The following PCDHA10 variants were observed in gnomAD, a reference collection of about 807,000 sequenced individuals.
The protein encoded by PCDHA10 is protocadherin alpha 10, also known as protocadherin alpha-10.
PCDHA10 carries 45 observed loss-of-function variants against 61.2 expected under a neutral mutation model. The ratio of observed to expected loss-of-function variants is 0.74; its 90% CI spans 0.58 to 0.94. PCDHA10 has a LOEUF of 0.94. PCDHA10 is among the 40% of genes least tolerant of loss of function. The pLI, the probability that PCDHA10 is intolerant of heterozygous loss-of-function variation, is 0.00. For missense variants in PCDHA10, 1,278 were observed against 1,236.2 expected (o/e 1.03, Z -0.51); for synonymous variants, 602 against 548.8 (o/e 1.10, Z -1.35).
chr5:140,927,037 G>T lies in PCDHA10; in HGVS notation c.2389-51912G>T, dbSNP rs782765718. On this transcript the variant is annotated intron_variant, in intron 1 of 3. Coordinates refer to ENST00000307360, the MANE Select transcript of PCDHA10 (RefSeq NM_018901.4). ...CGCGGACTTGAGGCTGCCAGCGGCC[G>T]CTATGTCCTCGCGGAACTTTCGCTT... The T allele has an allele frequency of 3.7e-6, 6 of 1,612,000 alleles. No homozygotes were observed. The Admixed American group carries it at 6.7e-5, about 18-fold the overall frequency.
At chr5:140,884,461 G>C in intron 1 of PCDHA10, 3 of 1,613,764 alleles carry the variant, frequency 1.9e-6, no homozygotes, top group Non-Finnish European at 2.5e-6. Context: ...CCGAGGGCGC[G>C]TGCGCGCCGG....
At chr5:140,869,350 A>G (rs1197202286) in intron 1 of PCDHA10, 3 of 1,614,064 alleles carry the variant, frequency 1.9e-6, no homozygotes, top group Non-Finnish European at 1.7e-6. Flanking sequence ...GCAGAATGGC[A>G]TTTTGTTTGT....
At chr5:140,884,435 T>C (rs1554181555) in intron 1 of PCDHA10, 1 of 1,613,872 alleles carries the variant, frequency 6.2e-7, no homozygotes, top group East Asian at 2.2e-5. Flanking sequence ...TGCGCTGCGG[T>C]GCTCGGCACC....
intron 1 of PCDHA10, chr5:140,928,813 C>T: frequency 6.2e-7 from 1 of 1,614,118 alleles, no homozygotes; most frequent in Non-Finnish European, 8.5e-7. Flanking sequence ...GGTTCGGGAC[C>T]ATGGAGACCC....
chr5:140,983,444 TC>T (rs1554245415), intron 3 of PCDHA10, among the ~76,000 whole-genome samples: 1 of 152,224 alleles, frequency 6.6e-6, no homozygotes. Context: ...TCTACTCTAA[TC>T]CTCTATTAAT....
intron 3 of PCDHA10, chr5:140,989,112 T>C (rs1312650713): frequency 1.3e-5 from 2 of 152,222 alleles, no homozygotes; most frequent in Non-Finnish European, 2.9e-5. Context: ...CTTTTGAATA[T>C]ATCTTAGAAA....
intron 3 of PCDHA10, among the ~76,000 whole-genome samples, chr5:140,998,062 C>T (rs2097795439): frequency 6.6e-6 from 1 of 152,176 alleles, no homozygotes; most frequent in African/African-American, 2.4e-5. Flanking sequence ...TCATCATCAA[C>T]AGACTTAGCC....
At chr5:140,927,713 A>G in intron 1 of PCDHA10, 1 of 1,614,180 alleles carries the variant, frequency 6.2e-7, no homozygotes, top group Non-Finnish European at 8.5e-7. Flanking sequence ...TCCCTAAGCA[A>G]CAGCACGCAA....
chr5:140,909,771 C>T (rs907087409), intron 1 of PCDHA10, among the ~76,000 whole-genome samples: 49 of 152,200 alleles, frequency 3.2e-4, no homozygotes, highest in African/African-American at 1.1e-3. Flanking sequence ...TCCAGGGACC[C>T]ACTGGACCCA....
At chr5:140,962,673 C>T (rs1409804701) in intron 1 of PCDHA10, among the ~76,000 whole-genome samples, 2 of 152,164 alleles carry the variant, frequency 1.3e-5, no homozygotes, top group African/African-American at 4.8e-5. Flanking sequence ...TTCCCATCCA[C>T]TGGATGTTTT....
intron 1 of PCDHA10, among the ~76,000 whole-genome samples, chr5:140,959,089 C>T (rs150796442): frequency 0.023 from 3,565 of 152,100 alleles, 49 homozygotes; most frequent in Middle Eastern, 0.034. Context: ...TCCTTGGTTT[C>T]GGACATTCAG....
intron 2 of PCDHA10, among the ~76,000 whole-genome samples, chr5:140,981,149 G>T (rs2096919822): frequency 6.6e-6 from 1 of 152,202 alleles, no homozygotes; most frequent in South Asian, 2.1e-4. Flanking sequence ...AGAAAACATT[G>T]AACTTATATG....
chr5:140,979,004 A>T lies in PCDHA10; in HGVS notation c.2444A>T (p.His815Leu). ...RYSASLRAGM[H>L]SSVHLEEAGI... Reference sequence around the variant, plus strand: ...TCTGCCTCCCTGAGAGCAGGCATGCACAGGTATGTATTTCCCTCCTCATTC... The same window carrying T: ...TCTGCCTCCCTGAGAGCAGGCATGCTCAGGTATGTATTTCCCTCCTCATTC... Residue 815 changes from histidine (H) to leucine (L), a missense_variant, in exon 2 of 4, where the codon CAC becomes CTC. His to Leu is a moderately conservative substitution (Grantham distance 99). Coordinates refer to ENST00000307360, the MANE Select transcript of PCDHA10 (RefSeq NM_018901.4). The T allele has an allele frequency of 6.2e-7, 1 of 1,614,144 alleles. No homozygotes were observed. Among genetic ancestry groups the T allele is most frequent in the South Asian group, 1.1e-5 (1 of 91,052 alleles).
chr5:140,937,599 A>T (rs2091614434), intron 1 of PCDHA10, among the ~76,000 whole-genome samples: 3 of 151,728 alleles, frequency 2.0e-5, no homozygotes, highest in African/African-American at 7.3e-5. Context: ...CCTGGGCAAC[A>T]GAGTGATACT....
chr5:140,972,201 G>A (rs1554233905), intron 1 of PCDHA10, among the ~76,000 whole-genome samples: 1 of 152,058 alleles, frequency 6.6e-6, no homozygotes, highest in African/African-American at 2.4e-5. Flanking sequence ...GAGTATAGGT[G>A]TGAATATGGC....
chr5:140,877,389 G>A (rs1554169667), intron 1 of PCDHA10: 3 of 1,613,994 alleles, frequency 1.9e-6, no homozygotes, highest in South Asian at 1.1e-5. Flanking sequence ...TCCTGGATGA[G>A]GCGGACGCTC....
rs1554217734 is a variant in PCDHA10, at chr5:140,946,611, AATATATAT to A, written c.2389-32324_2389-32317del. Among the ~76,000 whole-genome samples, 24 of 86,806 alleles carry A rather than the reference AATATATAT, an allele frequency of 2.8e-4. 1 individual carries two copies. Among genetic ancestry groups the A allele is most frequent in the African/African-American group, 1.5e-3 (23 of 15,698 alleles). 56.9% of individuals were successfully genotyped at this position (86,806 alleles called of 152,430 possible). On this transcript the variant is annotated intron_variant, in intron 1 of 3. Coordinates refer to ENST00000307360, the MANE Select transcript of PCDHA10 (RefSeq NM_018901.4). ...GGATGAATAGATAAAGAAAATGTGA[AATATATAT>A]ATATATATATATACAATGGAATACT... is the stretch of plus-strand genomic sequence containing the variant.
rs1246867400 is a variant in PCDHA10, at chr5:140,885,558, AATTG to A, written c.2388+27127_2388+27130del. Among the ~76,000 whole-genome samples, 8 of 152,258 alleles carry A rather than the reference AATTG, an allele frequency of 5.3e-5. No individual in the cohort carries two copies. The South Asian group carries it at 1.0e-3, about 20-fold the overall frequency. On this transcript the variant is annotated intron_variant, in intron 1 of 3. Coordinates refer to ENST00000307360, the MANE Select transcript of PCDHA10 (RefSeq NM_018901.4). Reference sequence around the variant, plus strand: ...CAAAATATTGGTGTTATTTCTACGAAATTGATTGTCAGATGTGGAATTGATGCAT... The same window carrying A: ...CAAAATATTGGTGTTATTTCTACGAAATTGTCAGATGTGGAATTGATGCAT...
intron 1 of PCDHA10, among the ~76,000 whole-genome samples, chr5:140,898,043 T>A (rs1554187781): frequency 6.6e-6 from 1 of 152,148 alleles, no homozygotes; most frequent in African/African-American, 2.4e-5. Context: ...GTTGTTTGTT[T>A]TTTTCTTGTA....
Sources: gnomAD v4.1 joint callset for allele counts (sites outside exome capture counted in the v4.1 genomes callset) on GRCh38, gnomAD v4.1.1 for gene constraint, MANE v1.5 for transcripts, NCBI Gene and HGNC (gene_info 2026-07-23, HGNC 2026-07-21) for gene names.